Variants in OOSP4B observed in about 807,000 individuals in gnomAD.
OOSP4B encodes oocyte-secreted protein 4B.
chr11:60,020,806 A>G (rs1360119928), intron 1 of OOSP4B, among the ~76,000 whole-genome samples: 2 of 152,368 alleles, frequency 1.3e-5, no homozygotes, highest in Non-Finnish European at 2.9e-5. Flanking sequence ...GCTACTCCAG[A>G]GGCTGAGGCA....
intron 1 of OOSP4B, among the ~76,000 whole-genome samples, chr11:60,019,837 G>A (rs982831915): frequency 7.2e-5 from 11 of 152,116 alleles, no homozygotes; most frequent in African/African-American, 2.4e-4. Flanking sequence ...CCCTTATCTG[G>A]CCCCACCCAC....
intron 3 of OOSP4B, among the ~76,000 whole-genome samples, chr11:60,027,154 C>T (rs913126037): frequency 1.3e-5 from 2 of 152,124 alleles, no homozygotes; most frequent in Admixed American, 6.6e-5. Flanking sequence ...CCCGCCCCCA[C>T]ATTCCTTTTC....
At chr11:60,027,175 C>T (rs949456443) in intron 3 of OOSP4B, among the ~76,000 whole-genome samples, 11 of 152,016 alleles carry the variant, frequency 7.2e-5, no homozygotes, top group South Asian at 2.1e-4. Flanking sequence ...CTCACTGTCA[C>T]GGAAGGAAAG....
chr11:60,024,787 A>G (rs1029940130), intron 2 of OOSP4B, 121 bp from the exon 3 acceptor site: 18 of 394,398 alleles, frequency 4.6e-5, no homozygotes, highest in East Asian at 1.8e-4. Flanking sequence ...CTACTATTTT[A>G]TATCTGTTAA....
chr11:60,029,655 C>G (rs918639898), intron 3 of OOSP4B, 127 bp from the exon 4 acceptor site: 15 of 394,904 alleles, frequency 3.8e-5, no homozygotes, highest in Non-Finnish European at 6.7e-5. Flanking sequence ...AGCTACTTTG[C>G]CTTTCCTCCA....
rs367663623 is a variant in OOSP4B, at chr11:60,026,664, CCT to C, written c.302+1662_302+1663del. Among the ~76,000 whole-genome samples, 559 of 152,278 alleles carry C rather than the reference CCT, an allele frequency of 3.7e-3. 1 individual carries two copies. The highest frequency in any genetic ancestry group is 0.013 in the African/African-American group (521 of 41,552). Reference sequence around the variant, plus strand: ...ACTTGAAATCAGCTTTTAAAAGGAACCTCTGTTCTTCAAACTTCGCCAGTCAT... The same window carrying C: ...ACTTGAAATCAGCTTTTAAAAGGAACCTGTTCTTCAAACTTCGCCAGTCAT... On this transcript the variant is annotated intron_variant, in intron 3 of 4. Coordinates refer to ENST00000642343, the Ensembl canonical transcript of OOSP4B.
rs998283843 is a variant in OOSP4B, at chr11:60,029,949, T to G, written c.450+20T>G. 5.0e-6 allele frequency: 2 copies of G among 398,036 alleles called. No homozygotes were observed. The highest frequency in any genetic ancestry group is 4.1e-5 in the African/African-American group (2 of 48,616). The allele number at this position is 398,036 out of a possible 1,614,324, so 24.7% of individuals were successfully genotyped here. On this transcript the variant is annotated intron_variant, in intron 4 of 4. Transcript: ENST00000642343. ...AATAAGGTGAGAATATTAAGGTTGT[T>G]TATTTTATAGTTAACCACAATTTGT...
chr11:60,020,157 C>T (rs1035446761), intron 1 of OOSP4B, among the ~76,000 whole-genome samples: 2 of 152,256 alleles, frequency 1.3e-5, no homozygotes, highest in African/African-American at 4.8e-5. Context: ...TAAAGATTCT[C>T]CAAGTCCCTA....
intron 1 of OOSP4B, among the ~76,000 whole-genome samples, chr11:60,020,022 T>C (rs951479097): frequency 6.6e-6 from 1 of 152,198 alleles, no homozygotes; most frequent in African/African-American, 2.4e-5. Flanking sequence ...AGTAGCTAGA[T>C]ACAGAGTGTG....
chr11:60,030,293 A>G (rs1854793986), intron 4 of OOSP4B, among the ~76,000 whole-genome samples: 1 of 152,234 alleles, frequency 6.6e-6, no homozygotes, highest in Non-Finnish European at 1.5e-5. Context: ...ATATATGTGT[A>G]TAAAATAAGT....
intron 3 of OOSP4B, among the ~76,000 whole-genome samples, chr11:60,025,358 T>C (rs571132567): frequency 5.9e-5 from 9 of 152,330 alleles, no homozygotes; most frequent in African/African-American, 2.2e-4. Context: ...GCAATTAATA[T>C]ATAAATGTTA....
Position 60,019,879 on chromosome 11 carries a change from T to C in OOSP4B, c.22+2466T>C, listed in dbSNP as rs183324691. 3.4e-3 allele frequency among the ~76,000 whole-genome samples: 517 copies of C among 152,300 alleles called. 1 individual carries two copies. Among genetic ancestry groups the C allele is most frequent in the African/African-American group, 0.012 (482 of 41,566 alleles). On this transcript the variant is annotated intron_variant, in intron 1 of 4. Transcript: ENST00000642343. ...CTGATTGGTCCATTTTACAGAGAGC[T>C]GACTGGTCCGTTTTGACAGGGTGCT...
chr11:60,017,217 G>A (rs1854637401), exon 1 of OOSP4B: 1 of 395,604 alleles, frequency 2.5e-6, no homozygotes, highest in African/African-American at 2.1e-5. Context: ...AAGTGTTGCA[G>A]CTACTGCCAG....
intron 1 of OOSP4B, among the ~76,000 whole-genome samples, chr11:60,022,557 A>G (rs1854702988): frequency 6.6e-6 from 1 of 152,240 alleles, no homozygotes. Flanking sequence ...TCTAGGCCAA[A>G]TAAGGCTCAT....
At chr11:60,028,559 T>C (rs541138509) in intron 3 of OOSP4B, among the ~76,000 whole-genome samples, 1 of 152,330 alleles carries the variant, frequency 6.6e-6, no homozygotes, top group South Asian at 2.1e-4. Flanking sequence ...TGAAGCCTAG[T>C]GGAATACAAC....
chr11:60,020,077 T>C (rs1473118492), intron 1 of OOSP4B, among the ~76,000 whole-genome samples: 1 of 152,248 alleles, frequency 6.6e-6, no homozygotes, highest in Non-Finnish European at 1.5e-5. Flanking sequence ...GGGTGCTGAT[T>C]GGTGTGTTTA....
In OOSP4B at chr11:60,024,907, G is replaced by A; in HGVS notation, c.205-1G>A. ...AGTATTAAAACTCTCAATTGTTTCA[G>A]ATGTTCCAAACAAATGATGACGCCA... On this transcript the variant is annotated splice_acceptor_variant, in intron 2 of 4. Coordinates refer to ENST00000642343, the Ensembl canonical transcript of OOSP4B. LOFTEE classifies it high-confidence loss of function. 1 of 398,274 alleles carries A rather than the reference G, an allele frequency of 2.5e-6. No individual in the cohort carries two copies. The highest frequency in any genetic ancestry group is 4.4e-6 in the Non-Finnish European group (1 of 225,904). The allele number at this position is 398,274 out of a possible 1,614,324, so 24.7% of individuals were successfully genotyped here. A position where few individuals can be genotyped will look rare whatever the true frequency, so the allele number is the denominator to read the frequency against.
In OOSP4B at chr11:60,027,655, TAAAAAAA is replaced by T. The variant is rs61649958; in HGVS notation, c.303-2108_303-2102del. ...TCTAAGCAGGTAAAGGCTATGATAT[TAAAAAAA>T]AAAAAAAAAAAAAAAAAAGATGATC... On this transcript the variant is annotated intron_variant, in intron 3 of 4. Coordinates refer to ENST00000642343, the Ensembl canonical transcript of OOSP4B. 3.9e-4 allele frequency among the ~76,000 whole-genome samples: 24 copies of T among 62,236 alleles called. 1 individual carries two copies. In the East Asian group the frequency reaches 9.4e-3, roughly 24 times the overall value. 40.8% of individuals were successfully genotyped at this position (62,236 alleles called of 152,430 possible).
chr11:60,022,743 G>T (rs539499716), intron 1 of OOSP4B, among the ~76,000 whole-genome samples: 82 of 146,502 alleles, frequency 5.6e-4, no homozygotes, highest in African/African-American at 1.8e-3. Flanking sequence ...TGAAGATGTG[G>T]TTTTTTTTTT....
Sources: gnomAD v4.1 joint callset for allele counts (sites outside exome capture counted in the v4.1 genomes callset) on GRCh38, gnomAD v4.1.1 for gene constraint, MANE v1.5 for transcripts, NCBI Gene and HGNC (gene_info 2026-07-23, HGNC 2026-07-21) for gene names.